The following MTO1 variants were observed in gnomAD, a reference collection of about 807,000 sequenced individuals.
MTO1 encodes 5-taurinomethyluridine-[tRNA] synthase subunit MTO1, mitochondrial.
Under a neutral mutation model 71.6 loss-of-function variants are expected in MTO1, and 46 were observed. That is an observed-to-expected ratio of 0.64 (90% CI 0.51 to 0.82). The LOEUF is 0.82. MTO1 is among the 40% of genes least tolerant of loss of function. MTO1 has a pLI of 0.00. For synonymous variants in MTO1, 297 were observed against 312.1 expected, an observed-to-expected ratio of 0.95 and a Z score of 0.51; for missense variants, 773 against 867.5, an observed-to-expected ratio of 0.89 and a Z score of 1.37.
chr6:73,497,695 T>G, intron 10 of MTO1, 41 bp from the exon 11 acceptor site: 1 of 1,576,320 alleles, frequency 6.3e-7, no homozygotes, highest in Middle Eastern at 1.7e-4. Flanking sequence ...TAGTATAATA[T>G]AATCTGGGTA....
Position 73,469,910 on chromosome 6 carries a change from C to A in MTO1, c.535+3304C>A, listed in dbSNP as rs150854650. Among the ~76,000 whole-genome samples the A allele has an allele frequency of 2.2e-4, 34 of 152,040 alleles. 1 individual carries two copies. Among genetic ancestry groups the A allele is most frequent in the South Asian group, 2.1e-3 (10 of 4,818 alleles). ...ATCCTAGCCACTCGGGAGGCTGAGG[C>A]AGGAGAACCACTTGAACCCTGGAGG... On this transcript the variant is annotated intron_variant, in intron 3 of 11. Coordinates refer to ENST00000498286, the MANE Select transcript of MTO1 (RefSeq NM_012123.4).
rs1171707259 is a variant in MTO1 at position 73,500,684 on chromosome 6, G to A, written c.2028G>A (p.Lys676=). Residue 676 remains lysine (K), a synonymous_variant, in exon 12 of 12, where the codon AAG becomes AAA. Coordinates refer to ENST00000498286, the MANE Select transcript of MTO1 (RefSeq NM_012123.4). ...AGTCGGCTATGAATGAATCATCCAAGACTGATCAATACTTATGTGATGCAG... is the reference window on the plus strand; with the variant it reads ...AGTCGGCTATGAATGAATCATCCAAAACTGATCAATACTTATGTGATGCAG... ...RRQSAMNESS[K]TDQYLCDADR... is the part of the protein sequence containing the mutation. The A allele has an allele frequency of 3.1e-6, 5 of 1,612,620 alleles. No homozygotes were observed. Among genetic ancestry groups the A allele is most frequent in the Non-Finnish European group, 4.2e-6 (5 of 1,179,364 alleles).
rs566763243 is a variant in MTO1, at chr6:73,507,588, C to G, written c.*6853C>G. ...AGTCTAACTTCAAGTTGCTGTTGAG[C>G]ATAGATCTCAGGTCTTCTGACTTCA... is the stretch of plus-strand genomic sequence containing the variant. On this transcript the variant is annotated 3_prime_UTR_variant, in exon 12 of 12. Coordinates refer to ENST00000498286, the MANE Select transcript of MTO1 (RefSeq NM_012123.4). 1.3e-5 allele frequency: 2 copies of G among 152,346 alleles called. No individual in the cohort carries two copies. The highest frequency in any genetic ancestry group is 4.1e-4 in the South Asian group (2 of 4,830). The allele number at this position is 152,346 out of a possible 1,614,324, so 9.4% of individuals were successfully genotyped here.
intron 4 of MTO1, among the ~76,000 whole-genome samples, chr6:73,477,414 A>T (rs1771357328): frequency 7.0e-6 from 1 of 142,306 alleles, no homozygotes; most frequent in Non-Finnish European, 1.5e-5. Flanking sequence ...AAAAAAAAAA[A>T]AGAAATTCGG....
chr6:73,499,383 G>A (rs1023125878), intron 11 of MTO1, among the ~76,000 whole-genome samples: 1 of 151,912 alleles, frequency 6.6e-6, no homozygotes, highest in Non-Finnish European at 1.5e-5. Context: ...TAGGCCAGGT[G>A]CAGTGGCATG....
chr6:73,471,913 T>A (rs1046225993), intron 3 of MTO1: 1 of 152,244 alleles, frequency 6.6e-6, no homozygotes, highest in Non-Finnish European at 1.5e-5. Flanking sequence ...CTCTTGAACT[T>A]TTTCATCATC....
chr6:73,480,945 G>A lies in MTO1; in HGVS notation c.1260+140G>A, dbSNP rs1582685847. 6 of 756,226 alleles carry A rather than the reference G, an allele frequency of 7.9e-6. No individual in the cohort carries two copies. In the East Asian group the frequency reaches 2.1e-4, roughly 26 times the overall value. The allele number at this position is 756,226 out of a possible 1,614,324, so 46.8% of individuals were successfully genotyped here. On this transcript the variant is annotated intron_variant, in intron 7 of 11. Coordinates refer to ENST00000498286, the MANE Select transcript of MTO1 (RefSeq NM_012123.4). ...GACAATTTATGTTTCAGGGTGTTTGGAGATGGCTTTTGTAGATAATAGGGT... is the reference window on the plus strand; with the variant it reads ...GACAATTTATGTTTCAGGGTGTTTGAAGATGGCTTTTGTAGATAATAGGGT...
chr6:73,468,836 G>A (rs1198338898), intron 3 of MTO1, among the ~76,000 whole-genome samples: 2 of 152,058 alleles, frequency 1.3e-5, no homozygotes, highest in Non-Finnish European at 2.9e-5. Flanking sequence ...TTGAACTCCT[G>A]ACCTCAAGTG....
chr6:73,466,208 G>C lies in MTO1; in HGVS notation c.218-1G>C. On this transcript the variant is annotated splice_acceptor_variant, in intron 1 of 11. Transcript: ENST00000498286. LOFTEE classifies it high-confidence loss of function. ...ATTTTGTTTATGTCTATTATCTTTAGGTCAGATGTCATGTAATCCTTCCTT... is the reference window on the plus strand; with the variant it reads ...ATTTTGTTTATGTCTATTATCTTTACGTCAGATGTCATGTAATCCTTCCTT... 1 of 1,609,526 alleles carries C rather than the reference G, an allele frequency of 6.2e-7. No homozygotes were observed. The highest frequency in any genetic ancestry group is 1.7e-4 in the Middle Eastern group (1 of 6,054).
At position 73,480,969 on chromosome 6, in the gene MTO1, GTTTTTTTTTT is replaced by G. The variant is rs398001972; in HGVS notation, c.1260+179_1260+188del. ...GGAGATGGCTTTTGTAGATAATAGG[GTTTTTTTTTT>G]TTTTTTTTTTTTTTGAGACAGAGTG... is the stretch of plus-strand genomic sequence containing the variant. On this transcript the variant is annotated intron_variant, in intron 7 of 11. Transcript: ENST00000498286. 1.9e-3 allele frequency: 452 copies of G among 232,738 alleles called. 3 individuals carry two copies. The highest frequency in any genetic ancestry group is 0.016 in the African/African-American group (408 of 25,068). 14.4% of individuals were successfully genotyped at this position (232,738 alleles called of 1,614,324 possible).
intron 9 of MTO1, among the ~76,000 whole-genome samples, chr6:73,487,201 T>G: frequency 8.9e-6 from 1 of 112,744 alleles, no homozygotes; most frequent in South Asian, 3.0e-4. Flanking sequence ...CTTTCAATTT[T>G]TTTTTTTTTT....
In MTO1 at chr6:73,504,510, C is replaced by T. The variant is rs1007122788; in HGVS notation, c.*3775C>T. The stretch of plus-strand genomic sequence containing the variant: ...ATAAGCAATATCACAGTTGTAGATA[C>T]TCGTGCTTTTTAAATAGATTAATGA... On this transcript the variant is annotated 3_prime_UTR_variant, in exon 12 of 12. Coordinates refer to ENST00000498286, the MANE Select transcript of MTO1 (RefSeq NM_012123.4). 2 of 152,134 alleles carry T rather than the reference C, an allele frequency of 1.3e-5. No individual in the cohort carries two copies. The highest frequency in any genetic ancestry group is 1.3e-4 in the Admixed American group (2 of 15,256). The allele number at this position is 152,134 out of a possible 1,614,324, so 9.4% of individuals were successfully genotyped here.
At chr6:73,466,429 C>A (rs761560594) in intron 2 of MTO1, 21 bp downstream of exon 2, 1 of 1,613,404 alleles carries the variant, frequency 6.2e-7, no homozygotes, top group African/African-American at 1.3e-5. Context: ...GGCATGAGCA[C>A]AGGAAAGATT....
At position 73,478,268 on chromosome 6, in the gene MTO1, G is replaced by T. The variant is rs902999141; in HGVS notation, c.826-1464G>T. Among the ~76,000 whole-genome samples the T allele has an allele frequency of 2.0e-5, 3 of 150,164 alleles. No homozygotes were observed. In the Admixed American group the frequency reaches 2.0e-4, roughly 10 times the overall value. On this transcript the variant is annotated intron_variant, in intron 4 of 11. Transcript: ENST00000498286. ...TCAAAAAAAAAAAAAAAAGTATATT[G>T]TATGTGTTTAAGATTGAGGATGAAG...
At position 73,473,445 on chromosome 6, in the gene MTO1, G is replaced by T. The variant is rs1431919941; in HGVS notation, c.616G>T (p.Glu206Ter). ...FLRGMIVIGL[E>*]THPAGRLGDQ... The stretch of plus-strand genomic sequence containing the variant: ...GAGAGGCATGATTGTAATTGGATTG[G>T]AGACGCATCCAGCAGGACGTTTAGG... The change falls in exon 4 of 12, where the codon GAG becomes TAG. Residue 206 changes from glutamate (E) to a stop codon, truncating the protein, a stop_gained. Transcript: ENST00000498286. LOFTEE classifies it high-confidence loss of function. The T allele has an allele frequency of 6.2e-7, 1 of 1,614,058 alleles. No homozygotes were observed. The highest frequency in any genetic ancestry group is 8.5e-7 in the Non-Finnish European group (1 of 1,180,044).
In MTO1 at chr6:73,479,738, G is replaced by C; in HGVS notation, c.832G>C (p.Asp278His). ...TCTGGTTACTGTTTTTTAGCCAGAA[G>C]ATCAGCTGCCATGTTACTTGACTCA... ...TNETVWIKPE[D>H]QLPCYLTHTN... The change falls in exon 5 of 12, where the codon GAT becomes CAT. Residue 278 changes from aspartate to histidine, a missense_variant. By Grantham distance (81) the Asp-to-His change is moderately conservative. Transcript: ENST00000498286. 1 of 1,609,832 alleles carries C rather than the reference G, an allele frequency of 6.2e-7. No homozygotes were observed.
intron 3 of MTO1, chr6:73,471,470 A>G (rs746313102): frequency 2.2e-6 from 1 of 448,896 alleles, no homozygotes; most frequent in South Asian, 1.6e-5. Context: ...GCTGGAGTGC[A>G]GTGGCATGAT....
At chr6:73,476,339 A>C (rs1249847118) in intron 4 of MTO1, among the ~76,000 whole-genome samples, 1 of 148,106 alleles carries the variant, frequency 6.8e-6, no homozygotes, top group Non-Finnish European at 1.5e-5. Context: ...GTGCCACTGC[A>C]CTCCAGCCTC....
chr6:73,468,052 CT>C (rs928615081), intron 3 of MTO1, among the ~76,000 whole-genome samples: 3 of 151,950 alleles, frequency 2.0e-5, no homozygotes, highest in Non-Finnish European at 4.4e-5. Flanking sequence ...TTCTCCTGAC[CT>C]TGTGATCCAC....
Sources: allele counts gnomAD v4.1 joint callset (sites outside exome capture counted in the v4.1 genomes callset), GRCh38; gene constraint gnomAD v4.1.1; transcripts MANE v1.5; gene names NCBI Gene and HGNC (gene_info 2026-07-23, HGNC 2026-07-21).